Variants in TNFAIP8 observed in about 807,000 individuals in gnomAD.
TNFAIP8 encodes the protein tumor necrosis factor alpha-induced protein 8.
A neutral mutation model predicts 13.3 loss-of-function variants in TNFAIP8; 7 were observed. That is an observed-to-expected ratio of 0.52 (90% CI 0.30 to 0.99). The LOEUF is 0.99. TNFAIP8 is among the 50% of genes least tolerant of loss of function. The pLI is 0.07. For synonymous variants in TNFAIP8, 94 were observed against 87.6 expected (o/e 1.07, Z -0.41); for missense variants, 258 against 236.9 (o/e 1.09, Z -0.58).
At chr5:119,306,411 G>C (rs1306979884) in intron 1 of TNFAIP8, 1 of 145,328 alleles carries the variant, frequency 6.9e-6, no homozygotes, top group African/African-American at 2.6e-5. Flanking sequence ...TCCCACTACT[G>C]ATCAGCACAG....
At position 119,394,172 on chromosome 5, in the gene TNFAIP8, CAAAA is replaced by C. The variant is rs1753008053; in HGVS notation, c.*794_*797del. The C allele has an allele frequency of 6.6e-6, 1 of 152,028 alleles. No individual in the cohort carries two copies. The highest frequency in any genetic ancestry group is 1.9e-4 in the East Asian group (1 of 5,186). 9.4% of individuals were successfully genotyped at this position (152,028 alleles called of 1,614,324 possible). A position where few individuals can be genotyped will look rare whatever the true frequency, so the allele number is the denominator to read the frequency against. ...TTACATCCATTTCACATGTAAGAGA[CAAAA>C]AAGTCTAGATTGGTCTTGATATTGA... On this transcript the variant is annotated 3_prime_UTR_variant, in exon 2 of 2. Transcript: ENST00000504771.
At chr5:119,337,448 G>A (rs1750591384) in intron 1 of TNFAIP8, among the ~76,000 whole-genome samples, 1 of 152,156 alleles carries the variant, frequency 6.6e-6, no homozygotes, top group African/African-American at 2.4e-5. Context: ...AGACCTCTGT[G>A]GTCTTTTGGT....
intron 1 of TNFAIP8, among the ~76,000 whole-genome samples, chr5:119,360,838 C>T (rs1580420188): frequency 6.6e-6 from 1 of 152,192 alleles, no homozygotes; most frequent in African/African-American, 2.4e-5. Context: ...TTTCCTGTTT[C>T]ACCTTCTACG....
At position 119,393,322 on chromosome 5, in the gene TNFAIP8, C is replaced by T. The variant is rs538591464; in HGVS notation, c.538C>T (p.Pro180Ser). The T allele has an allele frequency of 1.2e-5, 19 of 1,613,922 alleles. No individual in the cohort carries two copies. The East Asian group carries it at 3.3e-4, about 28-fold the overall frequency. The change falls in exon 2 of 2, where the codon CCC becomes TCC. Residue 180 changes from proline (P) to serine (S), a missense_variant. Coordinates refer to ENST00000504771, the MANE Select transcript of TNFAIP8 (RefSeq NM_014350.4). ...ALYNPFGNFK[P>S]HLQKLCDGIN... ...GTATAATCCTTTTGGGAATTTTAAA[C>T]CCCACTTACAAAAACTATGTGATGG...
At chr5:119,320,894 A>C (rs1007923257) in intron 1 of TNFAIP8, among the ~76,000 whole-genome samples, 17 of 151,470 alleles carry the variant, frequency 1.1e-4, no homozygotes, top group South Asian at 6.2e-4. Context: ...CTAAAAAAAA[A>C]ACAAAAAACG....
chr5:119,351,478 C>T (rs992747537), upstream of TNFAIP8, among the ~76,000 whole-genome samples: 1 of 152,078 alleles, frequency 6.6e-6, no homozygotes, highest in African/African-American at 2.4e-5. Context: ...AGGCTTTGTA[C>T]TAGATAATTT....
chr5:119,273,744 A>G (rs1345380109), intron 1 of TNFAIP8, among the ~76,000 whole-genome samples: 10 of 152,330 alleles, frequency 6.6e-5, no homozygotes. Context: ...TCGGGCTGGC[A>G]TGTCTTCAGG....
At chr5:119,291,707 T>A (rs529607149) in intron 1 of TNFAIP8, among the ~76,000 whole-genome samples, 1 of 152,370 alleles carries the variant, frequency 6.6e-6, no homozygotes, top group African/African-American at 2.4e-5. Flanking sequence ...TTCCCTCTTA[T>A]GCCCCTTAGT....
intron 1 of TNFAIP8, among the ~76,000 whole-genome samples, chr5:119,334,139 C>CAAAAAAAAAAAAAAAAA (rs57346323): frequency 1.9e-5 from 2 of 104,450 alleles, no homozygotes; most frequent in Non-Finnish European, 4.3e-5. Flanking sequence ...CTCTAACAAC[C>CAAAAAAAAAAAAAAAAA]AAAAAAAAAA....
rs1433520472 is a variant in TNFAIP8 at position 119,399,323 on chromosome 5, CT to C, written c.*5943del. The C allele has an allele frequency of 2.0e-5, 3 of 152,140 alleles. No individual in the cohort carries two copies. Among genetic ancestry groups the C allele is most frequent in the Non-Finnish European group, 4.4e-5 (3 of 68,032 alleles). The allele number at this position is 152,140 out of a possible 1,614,324, so 9.4% of individuals were successfully genotyped here. On this transcript the variant is annotated 3_prime_UTR_variant, in exon 2 of 2. Coordinates refer to ENST00000504771, the MANE Select transcript of TNFAIP8 (RefSeq NM_014350.4). The stretch of plus-strand genomic sequence containing the variant: ...CAGCTTCTGCCTGCCAGGGAGCTCG[CT>C]CATGTTGTCTCTGAAATTTGCATAA...
In TNFAIP8 at chr5:119,362,620, A is replaced by AC. The variant is rs545757509; in HGVS notation, c.31+6505dup. ...AGACCGGCCTGGGCAACAAAGTGAG[A>AC]CCCCCCATCTCTACAAAAAAAATTT... On this transcript the variant is annotated intron_variant, in intron 1 of 1. Coordinates refer to ENST00000504771, the MANE Select transcript of TNFAIP8 (RefSeq NM_014350.4). Among the ~76,000 whole-genome samples, 197 of 151,476 alleles carry AC rather than the reference A, an allele frequency of 1.3e-3. 2 individuals carry two copies. Among genetic ancestry groups the AC allele is most frequent in the African/African-American group, 3.2e-3 (132 of 41,294 alleles).
chr5:119,346,524 GGCAGTAAACTTATT>G (rs1197133328), intron 1 of TNFAIP8, among the ~76,000 whole-genome samples: 1 of 152,114 alleles, frequency 6.6e-6, no homozygotes, highest in Non-Finnish European at 1.5e-5. Context: ...CGAGCTGTGA[GGCAGTAAACTTATT>G]GCAGTTCCTC....
At chr5:119,355,976 G>T, upstream of TNFAIP8, 1 of 1,499,006 alleles carries the variant, frequency 6.7e-7, no homozygotes, top group Non-Finnish European at 9.0e-7. Context: ...TTTGATTTTA[G>T]TGGCTTTCTT....
chr5:119,368,325 A>G (rs755459986), intron 1 of TNFAIP8, among the ~76,000 whole-genome samples: 10 of 151,826 alleles, frequency 6.6e-5, no homozygotes, highest in South Asian at 6.2e-4. Flanking sequence ...AAGTAAGTTC[A>G]TACTTTTTTT....
At chr5:119,350,190 A>G (rs1396609) in intron 1 of TNFAIP8, among the ~76,000 whole-genome samples, 62,578 of 151,966 alleles carry the variant, frequency 0.41, 14,498 homozygotes, top group African/African-American at 0.63. Context: ...TTCAATCAAC[A>G]GCAGATCAAT....
At chr5:119,366,631 G>A (rs1751867275) in intron 1 of TNFAIP8, among the ~76,000 whole-genome samples, 1 of 152,224 alleles carries the variant, frequency 6.6e-6, no homozygotes, top group Non-Finnish European at 1.5e-5. Context: ...GCCCATTTCT[G>A]GAGGGCCAGT....
At chr5:119,367,309 G>A (rs1751894930) in intron 1 of TNFAIP8, among the ~76,000 whole-genome samples, 1 of 126,834 alleles carries the variant, frequency 7.9e-6, no homozygotes. Flanking sequence ...TTTTGTTGCT[G>A]TTGTTTAGTT....
chr5:119,350,867 G>A (rs943482148), intron 1 of TNFAIP8, among the ~76,000 whole-genome samples: 5 of 151,934 alleles, frequency 3.3e-5, no homozygotes, highest in African/African-American at 1.2e-4. Flanking sequence ...CTCTCACATG[G>A]TTCTGCCCCA....
intron 1 of TNFAIP8, among the ~76,000 whole-genome samples, chr5:119,378,615 G>A (rs1752369103): frequency 6.6e-6 from 1 of 152,158 alleles, no homozygotes; most frequent in Non-Finnish European, 1.5e-5. Context: ...ATCTTTGCAT[G>A]GAAGATTCCA....
Sources: allele counts gnomAD v4.1 joint callset (sites outside exome capture counted in the v4.1 genomes callset), GRCh38; gene constraint gnomAD v4.1.1; transcripts MANE v1.5; gene names NCBI Gene and HGNC (gene_info 2026-07-23, HGNC 2026-07-21).